MICAL3: variants seen among roughly 807,000 people sequenced by gnomAD.
The protein encoded by MICAL3 is microtubule associated monooxygenase, calponin and LIM domain containing 3.
Under a neutral mutation model 207.4 loss-of-function variants are expected in MICAL3, and 62 were observed. That is an observed-to-expected ratio of 0.30 (90% CI 0.24 to 0.37). The LOEUF (loss-of-function observed/expected upper bound fraction) is 0.37, where lower values mean the gene tolerates loss of function less well. Among genes scored for constraint, MICAL3 ranks in the 10% least tolerant of loss-of-function variants. MICAL3 has a pLI of 1.00. For synonymous variants in MICAL3, 1,077 were observed against 1,069.3 expected (o/e 1.01, Z -0.14); for missense variants, 2,368 against 2,635.6 (o/e 0.90, Z 2.22).
At chr22:17,941,057 G>A (rs192701208) in intron 1 of MICAL3, among the ~76,000 whole-genome samples, 5 of 152,268 alleles carry the variant, frequency 3.3e-5, no homozygotes, top group East Asian at 3.9e-4. Context: ...CCTAGGCCAC[G>A]GGATGAATGG....
chr22:18,022,420 G>GCC lies in MICAL3; in HGVS notation c.-75+1860_-75+1861insGG, dbSNP rs5844346. 3.9e-3 allele frequency among the ~76,000 whole-genome samples: 584 copies of GCC among 150,932 alleles called. 6 individuals are homozygous for GCC. The highest frequency in any genetic ancestry group is 6.1e-3 in the Non-Finnish European group (416 of 67,792). On this transcript the variant is annotated intron_variant, in intron 1 of 31. Transcript: ENST00000441493. ...CAGAGTGACTACTGCATTCCGACCT[G>GCC]CACCCCCACCCTTTTTTTTTTCTTT...
chr22:17,877,217 GGAGGTT>G (rs1928727243), intron 16 of MICAL3, among the ~76,000 whole-genome samples: 5 of 118,950 alleles, frequency 4.2e-5, no homozygotes, highest in Admixed American at 7.8e-5. Flanking sequence ...TGGAGGTTAT[GGAGGTT>G]AGGGAGGTTA....
chr22:17,820,010 T>C (rs1043583787), intron 25 of MICAL3, among the ~76,000 whole-genome samples: 7 of 147,056 alleles, frequency 4.8e-5, no homozygotes, highest in Non-Finnish European at 8.9e-5. Context: ...GCTCATGCTG[T>C]AATCCCAGCA....
intron 1 of MICAL3, among the ~76,000 whole-genome samples, chr22:18,015,420 A>ATAT (rs1923991357): frequency 9.7e-6 from 1 of 102,698 alleles, no homozygotes; most frequent in Non-Finnish European, 1.8e-5. Flanking sequence ...TTTAAGACTC[A>ATAT]TCTTTTTTTT....
At chr22:17,801,862 C>A (rs1215030959) in intron 29 of MICAL3, among the ~76,000 whole-genome samples, 2 of 151,984 alleles carry the variant, frequency 1.3e-5, no homozygotes, top group African/African-American at 4.8e-5. Flanking sequence ...CCACTGCATT[C>A]CAGCCTGGGC....
At chr22:17,921,212 T>C (rs1033770611) in intron 1 of MICAL3, among the ~76,000 whole-genome samples, 1 of 152,222 alleles carries the variant, frequency 6.6e-6, no homozygotes, top group East Asian at 1.9e-4. Flanking sequence ...CTATTGTCTA[T>C]GTTATCTCAT....
chr22:17,877,315 G>GGGAGGTTAT (rs1928779374), intron 16 of MICAL3, among the ~76,000 whole-genome samples: 3 of 49,776 alleles, frequency 6.0e-5, no homozygotes, highest in African/African-American at 1.3e-4. Context: ...ATGGAGGTTA[G>GGGAGGTTAT]GGAGGTTAGG....
intron 1 of MICAL3, among the ~76,000 whole-genome samples, chr22:17,912,915 G>T (rs559284856): frequency 5.3e-5 from 8 of 152,350 alleles, no homozygotes; most frequent in Middle Eastern, 3.4e-3. Flanking sequence ...ATCATACGAG[G>T]AAAAGCTTTC....
chr22:17,872,507 G>C (rs1927824345), intron 16 of MICAL3, among the ~76,000 whole-genome samples: 1 of 152,206 alleles, frequency 6.6e-6, no homozygotes, highest in Non-Finnish European at 1.5e-5. Context: ...TCTGTTCTGA[G>C]GGTAGCTGTA....
rs117103904 is a variant in MICAL3, at chr22:17,926,776, C to T, written c.-74-19890G>A. On this transcript the variant is annotated intron_variant, in intron 1 of 31. Coordinates refer to ENST00000441493, the MANE Select transcript of MICAL3 (RefSeq NM_015241.3). The stretch of plus-strand genomic sequence containing the variant: ...GAGGCAGCACAGTGCAGGGTATATT[C>T]GCATTTGCTCTTCCTAAATTCCTCG... Among the ~76,000 whole-genome samples, 419 of 152,326 alleles carry T rather than the reference C, an allele frequency of 2.8e-3. 3 individuals carry two copies. The Middle Eastern group carries it at 0.044, about 16-fold the overall frequency.
At chr22:17,884,203 T>A in intron 16 of MICAL3, 1 of 1,043,440 alleles carries the variant, frequency 9.6e-7, no homozygotes, top group Non-Finnish European at 1.4e-6. Context: ...GCCTGAACCC[T>A]GGCTGGCTCA....
At chr22:17,985,113 T>A (rs1168078750) in intron 1 of MICAL3, among the ~76,000 whole-genome samples, 2 of 151,962 alleles carry the variant, frequency 1.3e-5, no homozygotes, top group Non-Finnish European at 2.9e-5. Context: ...CACGCAAGAG[T>A]TGAGGGAGTC....
chr22:17,864,774 G>A (rs372098487), intron 19 of MICAL3, 125 bp downstream of exon 19: 1 of 1,613,946 alleles, frequency 6.2e-7, no homozygotes, highest in African/African-American at 1.3e-5. Context: ...AGTCCAGAGG[G>A]TTTTGGGCCA....
intron 1 of MICAL3, among the ~76,000 whole-genome samples, chr22:17,976,585 A>AT (rs1372475997): frequency 0.081 from 6,695 of 82,668 alleles, 487 homozygotes; most frequent in Non-Finnish European, 0.11. Context: ...ATATATATAT[A>AT]TATATTTTTT....
At chr22:18,007,922 CAAAAAAAAAAAAAA>C (rs60544257) in intron 1 of MICAL3, among the ~76,000 whole-genome samples, 469 of 37,756 alleles carry the variant, frequency 0.012, 11 homozygotes, top group African/African-American at 0.035. Flanking sequence ...GACTCCATCT[CAAAAAAAAAAAAAA>C]AAAAAAAAAA....
chr22:17,927,945 C>T (rs1050204653), intron 1 of MICAL3, among the ~76,000 whole-genome samples: 2 of 152,126 alleles, frequency 1.3e-5, no homozygotes, highest in African/African-American at 2.4e-5. Context: ...CATTTAGCAG[C>T]GCCAGAACCA....
intron 1 of MICAL3, among the ~76,000 whole-genome samples, chr22:17,916,395 C>T (rs1932519073): frequency 6.6e-6 from 1 of 152,196 alleles, no homozygotes; most frequent in Non-Finnish European, 1.5e-5. Flanking sequence ...ACACGTCTTT[C>T]AACACCCAGT....
In MICAL3 at chr22:17,975,617, T is replaced by C. The variant is rs12159904; in HGVS notation, c.-75+48664A>G. Among the ~76,000 whole-genome samples the C allele has an allele frequency of 5.0e-3, 759 of 152,116 alleles. 7 individuals carry two copies. The highest frequency in any genetic ancestry group is 0.017 in the African/African-American group (719 of 41,488). On this transcript the variant is annotated intron_variant, in intron 1 of 31. Coordinates refer to ENST00000441493, the MANE Select transcript of MICAL3 (RefSeq NM_015241.3). ...CCAATTTAGAAATGGAAATACCTGA[T>C]AAAGAGAGCTAAAAGGGATACAGAA...
At chr22:17,908,744 C>G (rs182967931) in intron 1 of MICAL3, among the ~76,000 whole-genome samples, 3 of 152,290 alleles carry the variant, frequency 2.0e-5, no homozygotes, top group Admixed American at 2.0e-4. Flanking sequence ...CTGGACTGGA[C>G]TTTGCTTTAA....
Sources: gnomAD v4.1 joint callset for allele counts (sites outside exome capture counted in the v4.1 genomes callset) on GRCh38, gnomAD v4.1.1 for gene constraint, MANE v1.5 for transcripts, NCBI Gene and HGNC (gene_info 2026-07-23, HGNC 2026-07-21) for gene names.